PHLPP1: variants seen among roughly 807,000 people sequenced by gnomAD.
PHLPP1 encodes PH domain and leucine rich repeat protein phosphatase 1.
A neutral mutation model predicts 117.2 loss-of-function variants in PHLPP1; 42 were observed. That is an observed-to-expected ratio of 0.36 (90% CI 0.28 to 0.46). PHLPP1 has a LOEUF of 0.46. Ranked by LOEUF, PHLPP1 falls within the 20% of genes least tolerant of loss-of-function variation. The pLI is 1.00. For synonymous variants in PHLPP1, 1,042 were observed against 970.7 expected (o/e 1.07, Z -1.37); for missense variants, 2,084 against 2,241.9 (o/e 0.93, Z 1.42).
chr18:62,771,682 G>GCTGGTTGGCTTCTAA (rs1912783882), intron 1 of PHLPP1, among the ~76,000 whole-genome samples: 1 of 152,232 alleles, frequency 6.6e-6, no homozygotes, highest in Admixed American at 6.5e-5. Context: ...GAGGCTTTCT[G>GCTGGTTGGCTTCTAA]CTGGTTGGCT....
At chr18:62,749,824 T>C (rs1011963621) in intron 1 of PHLPP1, among the ~76,000 whole-genome samples, 17 of 152,200 alleles carry the variant, frequency 1.1e-4, no homozygotes, top group Non-Finnish European at 2.1e-4. Context: ...GAGACTAGCC[T>C]GGCCAACATG....
chr18:62,883,725 G>T (rs1350593391), intron 4 of PHLPP1, among the ~76,000 whole-genome samples: 2 of 152,124 alleles, frequency 1.3e-5, no homozygotes, highest in South Asian at 2.1e-4. Context: ...GAGGACAATT[G>T]TGTTTTCAGA....
At chr18:62,902,743 G>A (rs1376472440) in intron 6 of PHLPP1, among the ~76,000 whole-genome samples, 2 of 152,138 alleles carry the variant, frequency 1.3e-5, no homozygotes, top group East Asian at 1.9e-4. Flanking sequence ...GGTGTCACTT[G>A]TGTTTCAGAA....
intron 4 of PHLPP1, among the ~76,000 whole-genome samples, chr18:62,886,350 G>A (rs546945417): frequency 6.6e-6 from 1 of 152,110 alleles, no homozygotes; most frequent in African/African-American, 2.4e-5. Context: ...ACAGTGGCAC[G>A]ATCACAGCTC....
At chr18:62,942,207 C>T (rs978386002) in intron 11 of PHLPP1, among the ~76,000 whole-genome samples, 1 of 152,074 alleles carries the variant, frequency 6.6e-6, no homozygotes, top group African/African-American at 2.4e-5. Context: ...TTTAACCAGT[C>T]AGATTAATTT....
intron 1 of PHLPP1, among the ~76,000 whole-genome samples, chr18:62,784,837 A>G (rs1331413150): frequency 6.6e-6 from 1 of 152,196 alleles, no homozygotes; most frequent in Non-Finnish European, 1.5e-5. Context: ...AGTTGCCGTA[A>G]TTGAGAAATT....
intron 2 of PHLPP1, among the ~76,000 whole-genome samples, chr18:62,836,479 ATAAAT>A (rs1446421038): frequency 1.5e-5 from 2 of 133,422 alleles, no homozygotes; most frequent in African/African-American, 5.4e-5. Context: ...AAATAAATAA[ATAAAT>A]AAAAATAAAT....
intron 1 of PHLPP1, among the ~76,000 whole-genome samples, chr18:62,736,341 A>C (rs1911367963): frequency 6.6e-6 from 1 of 152,184 alleles, no homozygotes; most frequent in Non-Finnish European, 1.5e-5. Context: ...AGAGAGTAGA[A>C]GTTGAAGGAG....
chr18:62,754,845 A>C (rs1303670106), intron 1 of PHLPP1, among the ~76,000 whole-genome samples: 1 of 152,234 alleles, frequency 6.6e-6, no homozygotes, highest in Non-Finnish European at 1.5e-5. Context: ...GAATTGCCAT[A>C]GTCAGCTACA....
chr18:62,816,426 G>A (rs1422029714), intron 1 of PHLPP1, among the ~76,000 whole-genome samples: 1 of 152,132 alleles, frequency 6.6e-6, no homozygotes, highest in Non-Finnish European at 1.5e-5. Context: ...ATTTAGCTGG[G>A]CATGGTGGCA....
intron 1 of PHLPP1, among the ~76,000 whole-genome samples, chr18:62,787,189 TCTCA>T (rs1327406531): frequency 1.6e-4 from 24 of 152,090 alleles, no homozygotes; most frequent in Non-Finnish European, 2.2e-4. Flanking sequence ...AACAGATTGC[TCTCA>T]ATTTTTGAAA....
At chr18:62,931,195 T>TA (rs71340136) in intron 10 of PHLPP1, among the ~76,000 whole-genome samples, 16,888 of 137,232 alleles carry the variant, frequency 0.12, 1,162 homozygotes, top group African/African-American at 0.2. Context: ...AGACTCCATC[T>TA]AAAAAAAAAA....
intron 10 of PHLPP1, among the ~76,000 whole-genome samples, chr18:62,925,861 A>G (rs1909614133): frequency 6.6e-6 from 1 of 152,162 alleles, no homozygotes; most frequent in South Asian, 2.1e-4. Context: ...TTTTAGAGGG[A>G]TAGTCTGGGA....
At chr18:62,792,908 C>T (rs942946679) in intron 1 of PHLPP1, among the ~76,000 whole-genome samples, 1 of 148,640 alleles carries the variant, frequency 6.7e-6, no homozygotes, top group Non-Finnish European at 1.5e-5. Flanking sequence ...CGCACAGTGG[C>T]GCATGGCTGT....
intron 10 of PHLPP1, among the ~76,000 whole-genome samples, chr18:62,922,831 G>T (rs922037914): frequency 1.3e-5 from 2 of 152,194 alleles, no homozygotes; most frequent in African/African-American, 4.8e-5. Context: ...GTTTAGATGT[G>T]TTTGGACAAG....
At chr18:62,741,520 G>A (rs1911526821) in intron 1 of PHLPP1, among the ~76,000 whole-genome samples, 1 of 152,076 alleles carries the variant, frequency 6.6e-6, no homozygotes, top group African/African-American at 2.4e-5. Context: ...ATCATAAAAC[G>A]TAAGACAGTA....
chr18:62,822,252 T>C (rs1914480021), intron 1 of PHLPP1, among the ~76,000 whole-genome samples: 1 of 151,330 alleles, frequency 6.6e-6, no homozygotes, highest in Admixed American at 6.6e-5. Context: ...ATAGAGGATC[T>C]GTAGAAAATA....
rs115557420 is a variant in PHLPP1 at position 62,936,157 on chromosome 18, G to A, written c.2961-5561G>A. Among the ~76,000 whole-genome samples, 926 of 152,286 alleles carry A rather than the reference G, an allele frequency of 6.1e-3. 15 individuals are homozygous for A. Among genetic ancestry groups the A allele is most frequent in the African/African-American group, 0.021 (882 of 41,558 alleles). ...AGTAAAGAAATGCTCACAAAATGAC[G>A]GGAGCATGTCAAAGGATGCGTGAGT... On this transcript the variant is annotated intron_variant, in intron 10 of 16. Coordinates refer to ENST00000262719, the MANE Select transcript of PHLPP1 (RefSeq NM_194449.4).
At chr18:62,791,520 T>C (rs976004617) in intron 1 of PHLPP1, among the ~76,000 whole-genome samples, 1 of 152,372 alleles carries the variant, frequency 6.6e-6, no homozygotes, top group East Asian at 1.9e-4. Context: ...GCTTTGCTTC[T>C]GACTTTATTC....
Sources: allele counts gnomAD v4.1 joint callset (sites outside exome capture counted in the v4.1 genomes callset), GRCh38; gene constraint gnomAD v4.1.1; transcripts MANE v1.5; gene names NCBI Gene and HGNC (gene_info 2026-07-23, HGNC 2026-07-21).